PEPD: variants seen among roughly 807,000 people sequenced by gnomAD.
PEPD encodes peptidase D, also known as xaa-Pro dipeptidase.
In PEPD, 53 loss-of-function variants were observed where a neutral mutation model predicts 60.7. The ratio of observed to expected loss-of-function variants is 0.87; its 90% CI spans 0.70 to 1.10. The LOEUF is 1.10. Ranked by LOEUF, PEPD falls within the 50% of genes least tolerant of loss-of-function variation. The pLI is 0.00. For missense variants in PEPD, 711 were observed against 711.9 expected (o/e 1.00, Z 0.01); for synonymous variants, 267 against 284.1 (o/e 0.94, Z 0.60).
At chr19:33,434,902 G>A (rs73588257) in intron 9 of PEPD, among the ~76,000 whole-genome samples, 1,748 of 139,248 alleles carry the variant, frequency 0.013, 36 homozygotes, top group African/African-American at 0.042. Context: ...GCACTCAGGT[G>A]TTAAGGTTGG....
chr19:33,396,003 G>A (rs947448909), intron 12 of PEPD: 2 of 152,458 alleles, frequency 1.3e-5, no homozygotes, highest in Admixed American at 6.5e-5. Flanking sequence ...AGGGTGCTGT[G>A]TTGGCCCAGG....
rs1289549255 is a variant in PEPD at position 33,441,001 on chromosome 19, G to A, written c.671+21994C>T. ...CATCAGCCTGCTTGGCCGGGAGCAG[G>A]GAGAGGATCGGGAGACCCAAGCTGT... On this transcript the variant is annotated intron_variant, in intron 9 of 14. Coordinates refer to ENST00000244137, the MANE Select transcript of PEPD (RefSeq NM_000285.4). 3.9e-5 allele frequency among the ~76,000 whole-genome samples: 6 copies of A among 152,204 alleles called. No individual in the cohort carries two copies. The South Asian group carries it at 6.2e-4, about 16-fold the overall frequency.
At chr19:33,414,615 G>A (rs58979703) in intron 9 of PEPD, among the ~76,000 whole-genome samples, 21,486 of 137,424 alleles carry the variant, frequency 0.16, 1,670 homozygotes, top group East Asian at 0.26. Flanking sequence ...CAGGGCAGTC[G>A]TTGCGGCCGC....
intron 7 of PEPD, among the ~76,000 whole-genome samples, chr19:33,476,485 A>G (rs1014382301): frequency 2.6e-5 from 4 of 151,900 alleles, no homozygotes; most frequent in Non-Finnish European, 1.5e-5. Context: ...TCACTCACGC[A>G]TCATAACCGG....
intron 1 of PEPD, among the ~76,000 whole-genome samples, chr19:33,514,938 G>A (rs1032489034): frequency 6.6e-6 from 1 of 151,968 alleles, no homozygotes; most frequent in Non-Finnish European, 1.5e-5. Context: ...TCTCCTTAGT[G>A]GCCCCCTGGA....
chr19:33,479,421 T>G (rs1970276143), intron 6 of PEPD, among the ~76,000 whole-genome samples: 2 of 152,150 alleles, frequency 1.3e-5, no homozygotes, highest in South Asian at 4.1e-4. Context: ...TTTTTTTTTT[T>G]AATTTTAAGT....
intron 9 of PEPD, among the ~76,000 whole-genome samples, chr19:33,443,675 C>T (rs1010143438): frequency 6.6e-6 from 1 of 151,112 alleles, no homozygotes; most frequent in Non-Finnish European, 1.5e-5. Context: ...AACTCTTATT[C>T]CAAAAAAAAA....
chr19:33,474,587 G>A (rs951334032), intron 7 of PEPD, among the ~76,000 whole-genome samples: 1 of 152,122 alleles, frequency 6.6e-6, no homozygotes, highest in Non-Finnish European at 1.5e-5. Flanking sequence ...CGGGGGCTGA[G>A]GCACAAGAAT....
At chr19:33,466,756 TG>T (rs1970024378) in intron 7 of PEPD, among the ~76,000 whole-genome samples, 1 of 139,620 alleles carries the variant, frequency 7.2e-6, no homozygotes, top group African/African-American at 2.6e-5. Context: ...TTTGTACTAA[TG>T]AAAAAAAAAA....
chr19:33,498,443 C>A (rs1447332560), intron 4 of PEPD, among the ~76,000 whole-genome samples: 5 of 152,190 alleles, frequency 3.3e-5, no homozygotes, highest in Non-Finnish European at 5.9e-5. Flanking sequence ...CCTTCCTCAC[C>A]CCCAGAAATC....
At chr19:33,476,111 T>C (rs1970208819) in intron 7 of PEPD, among the ~76,000 whole-genome samples, 2 of 152,144 alleles carry the variant, frequency 1.3e-5, no homozygotes, top group South Asian at 4.1e-4. Flanking sequence ...AGTGATTCTC[T>C]CGTGTTTGTC....
intron 7 of PEPD, among the ~76,000 whole-genome samples, chr19:33,474,325 T>A (rs1205955841): frequency 6.6e-6 from 1 of 152,250 alleles, no homozygotes; most frequent in African/African-American, 2.4e-5. Context: ...CTAACTTCCC[T>A]GTACCTCAGT....
intron 4 of PEPD, among the ~76,000 whole-genome samples, chr19:33,497,120 T>C (rs1232356050): frequency 6.6e-6 from 1 of 152,264 alleles, no homozygotes; most frequent in African/African-American, 2.4e-5. Context: ...TCAGGAAACA[T>C]CACCAACAGT....
At chr19:33,444,771 T>C (rs986678590) in intron 9 of PEPD, among the ~76,000 whole-genome samples, 2 of 151,924 alleles carry the variant, frequency 1.3e-5, no homozygotes, top group Non-Finnish European at 2.9e-5. Context: ...GACCTGGCTG[T>C]GTGGCCCACT....
intron 8 of PEPD, 46 bp downstream of exon 8, chr19:33,463,941 A>G: frequency 7.6e-7 from 1 of 1,314,284 alleles, no homozygotes; most frequent in Non-Finnish European, 1.1e-6. Flanking sequence ...CTCGCCACAC[A>G]GCAACACTGC....
At chr19:33,516,673 A>G (rs187045668) in intron 1 of PEPD, among the ~76,000 whole-genome samples, 257 of 152,286 alleles carry the variant, frequency 1.7e-3, no homozygotes, top group African/African-American at 6.0e-3. Context: ...GGGACCCCCA[A>G]GGATTCATCC....
intron 9 of PEPD, among the ~76,000 whole-genome samples, chr19:33,437,739 T>C (rs1600114327): frequency 6.6e-6 from 1 of 152,210 alleles, no homozygotes; most frequent in Non-Finnish European, 1.5e-5. Flanking sequence ...GGTAAGTAGG[T>C]GGTGTCATTA....
rs374158437 is a variant in PEPD, at chr19:33,513,407, C to T, written c.18-631G>A. Reference sequence around the variant, plus strand: ...TGCACCTGAACCAAAGTCGCTCCTCCCCAGCCTCCCCCGACACAAAGCACC... The same window carrying T: ...TGCACCTGAACCAAAGTCGCTCCTCTCCAGCCTCCCCCGACACAAAGCACC... On this transcript the variant is annotated intron_variant, in intron 1 of 14. Transcript: ENST00000244137. 1.7e-4 allele frequency among the ~76,000 whole-genome samples: 26 copies of T among 152,280 alleles called. No homozygotes were observed. The East Asian group carries it at 3.7e-3, about 21-fold the overall frequency.
At chr19:33,415,978 G>A (rs11672422) in intron 9 of PEPD, among the ~76,000 whole-genome samples, 46,651 of 152,162 alleles carry the variant, frequency 0.31, 7,649 homozygotes, top group Admixed American at 0.4. Flanking sequence ...ACGAGCCCAC[G>A]TTTTCTGCAG....
Sources: gnomAD v4.1 joint callset for allele counts (sites outside exome capture counted in the v4.1 genomes callset) on GRCh38, gnomAD v4.1.1 for gene constraint, MANE v1.5 for transcripts, NCBI Gene and HGNC (gene_info 2026-07-23, HGNC 2026-07-21) for gene names.